Variants in SULT1C4 observed in about 807,000 individuals in gnomAD.
SULT1C4 encodes the protein sulfotransferase family 1C member 4.
In SULT1C4, 32 loss-of-function variants were observed where a neutral mutation model predicts 34.8. The observed-to-expected ratio is 0.92, with a 90% confidence interval of 0.69 to 1.23. The LOEUF (loss-of-function observed/expected upper bound fraction) is 1.23. Among genes scored for constraint, SULT1C4 ranks in the 50% most tolerant of loss-of-function variants. The pLI, the probability that SULT1C4 is intolerant of heterozygous loss-of-function variation, is 0.00. For missense variants in SULT1C4, 375 were observed against 365.9 expected, an observed-to-expected ratio of 1.02 and a Z score of -0.20; for synonymous variants, 111 against 120.5, an observed-to-expected ratio of 0.92 and a Z score of 0.51.
At chr2:108,379,090 T>A (rs1451195681) in intron 1 of SULT1C4, among the ~76,000 whole-genome samples, 1 of 152,150 alleles carries the variant, frequency 6.6e-6, no homozygotes, top group African/African-American at 2.4e-5. Flanking sequence ...GTCATAAAAA[T>A]TGGGTGATGA....
At chr2:108,381,991 A>C (rs1313800218) in intron 2 of SULT1C4, 104 bp downstream of exon 2, 1 of 1,281,806 alleles carries the variant, frequency 7.8e-7, no homozygotes, top group Non-Finnish European at 1.0e-6. Flanking sequence ...ATTATTGGTA[A>C]GTTTCATGGT....
rs1678572652 is a variant in SULT1C4 at position 108,386,456 on chromosome 2, A to G, written c.796+84A>G. 3.8e-6 allele frequency: 4 copies of G among 1,041,734 alleles called. No homozygotes were observed. The South Asian group carries it at 1.6e-4, about 40-fold the overall frequency. 64.5% of individuals were successfully genotyped at this position (1,041,734 alleles called of 1,614,324 possible). On this transcript the variant is annotated intron_variant, in intron 6 of 6. Transcript: ENST00000272452. ...TTGAGGAGTTTTCTTTCCTGTGTCT[A>G]GGAAAAATAATATCTGTAATAAATG...
intron 3 of SULT1C4, 98 bp downstream of exon 3, chr2:108,382,580 T>G: frequency 1.2e-6 from 1 of 829,306 alleles, no homozygotes; most frequent in Non-Finnish European, 2.0e-6. Flanking sequence ...TATATATATA[T>G]ACCTCTTCAC....
At chr2:108,385,080 G>T (rs547669314) in intron 5 of SULT1C4, among the ~76,000 whole-genome samples, 4 of 152,190 alleles carry the variant, frequency 2.6e-5, no homozygotes, top group African/African-American at 4.8e-5. Flanking sequence ...ATAGCTCTAG[G>T]ATTCTCAGAA....
intron 6 of SULT1C4, 58 bp from the exon 7 acceptor site, chr2:108,387,262 A>G (rs1678592038): frequency 7.9e-7 from 1 of 1,273,540 alleles, no homozygotes; most frequent in Non-Finnish European, 1.1e-6. Flanking sequence ...ACAGGAGAAT[A>G]GGGAAGCACA....
chr2:108,381,198 T>C (rs1048649716), intron 1 of SULT1C4, among the ~76,000 whole-genome samples: 7 of 152,174 alleles, frequency 4.6e-5, no homozygotes, highest in African/African-American at 1.7e-4. Flanking sequence ...TCCAAATTAA[T>C]AGTTGTGACA....
chr2:108,387,462 T>A lies in SULT1C4; in HGVS notation c.*30T>A. 1 of 1,444,310 alleles carries A rather than the reference T, an allele frequency of 6.9e-7. No individual in the cohort carries two copies. The highest frequency in any genetic ancestry group is 9.7e-7 in the Non-Finnish European group (1 of 1,032,582). The allele number at this position is 1,444,310 out of a possible 1,614,324, so 89.5% of individuals were successfully genotyped here. A position where few individuals can be genotyped will look rare whatever the true frequency, so the allele number is the denominator to read the frequency against. ...GAAGAAAAACTGAAAATGTTTTAGTTTATTACCCAGTATATTTGGGTAATA... is the reference window on the plus strand; with the variant it reads ...GAAGAAAAACTGAAAATGTTTTAGTATATTACCCAGTATATTTGGGTAATA... On this transcript the variant is annotated 3_prime_UTR_variant, in exon 7 of 7. Transcript: ENST00000272452.
intron 5 of SULT1C4, among the ~76,000 whole-genome samples, chr2:108,383,713 C>T (rs1678491563): frequency 6.6e-6 from 1 of 152,164 alleles, no homozygotes; most frequent in African/African-American, 2.4e-5. Flanking sequence ...TCCTGGTGCT[C>T]CCAGGGATGC....
intron 2 of SULT1C4, chr2:108,382,165 AT>A (rs1678420395): frequency 1.7e-6 from 1 of 573,374 alleles, no homozygotes; most frequent in Non-Finnish European, 3.0e-6. Context: ...AAGGGTTTGA[AT>A]TTTTTAGGTT....
chr2:108,381,623 C>T (rs1481302729), intron 1 of SULT1C4, 139 bp from the exon 2 acceptor site: 6 of 982,548 alleles, frequency 6.1e-6, no homozygotes, highest in African/African-American at 3.4e-5. Context: ...AGCCTTGATA[C>T]AGAGCAAGAC....
chr2:108,380,509 G>A (rs552632958), intron 1 of SULT1C4, among the ~76,000 whole-genome samples: 1 of 152,170 alleles, frequency 6.6e-6, no homozygotes, highest in Admixed American at 6.5e-5. Context: ...GCAAGACCCT[G>A]TCTCTGGAAA....
rs1678600145 is a variant in SULT1C4, at chr2:108,387,540, GT to G, written c.*111del. 6.6e-6 allele frequency: 5 copies of G among 760,096 alleles called. No individual in the cohort carries two copies. The highest frequency in any genetic ancestry group is 1.1e-5 in the Non-Finnish European group (5 of 472,826). The allele number at this position is 760,096 out of a possible 1,614,324, so 47.1% of individuals were successfully genotyped here. On this transcript the variant is annotated 3_prime_UTR_variant, in exon 7 of 7. Transcript: ENST00000272452. ...ATATCAGATTCCAGTTATCAGAATA[GT>G]TTACTGTGTTTGCTCTTATTCACTC...
rs1279059898 is a variant in SULT1C4 at position 108,387,454 on chromosome 2, G to A, written c.*22G>A. On this transcript the variant is annotated 3_prime_UTR_variant, in exon 7 of 7. Coordinates refer to ENST00000272452, the MANE Select transcript of SULT1C4 (RefSeq NM_006588.4). The stretch of plus-strand genomic sequence containing the variant: ...CTAGTAAGGAAGAAAAACTGAAAAT[G>A]TTTTAGTTTATTACCCAGTATATTT... 5 of 1,527,856 alleles carry A rather than the reference G, an allele frequency of 3.3e-6. No homozygotes were observed. The African/African-American group carries it at 5.5e-5, about 17-fold the overall frequency. 94.6% of individuals were successfully genotyped at this position (1,527,856 alleles called of 1,614,324 possible).
intron 2 of SULT1C4, 135 bp downstream of exon 2, chr2:108,382,022 T>C (rs1678414544): frequency 9.7e-7 from 1 of 1,027,884 alleles, no homozygotes; most frequent in African/African-American, 1.7e-5. Flanking sequence ...TTTAACTGTG[T>C]CTGGCCATTG....
chr2:108,386,414 C>T, intron 6 of SULT1C4, 42 bp downstream of exon 6: 1 of 1,325,552 alleles, frequency 7.5e-7, no homozygotes, highest in African/African-American at 1.5e-5. Context: ...AAAGAACTGT[C>T]AAATATTTTA....
In SULT1C4 at chr2:108,382,902, CAAAAAAAAAAAAAAA is replaced by C. The variant is rs60764322; in HGVS notation, c.394-176_394-162del. 2.3e-4 allele frequency: 19 copies of C among 81,254 alleles called. No homozygotes were observed. In the East Asian group the frequency reaches 9.0e-3, roughly 38 times the overall value. 5.0% of individuals were successfully genotyped at this position (81,254 alleles called of 1,614,324 possible). A position where few individuals can be genotyped will look rare whatever the true frequency, so the allele number is the denominator to read the frequency against. Reference sequence around the variant, plus strand: ...TGGGTGACAGAGCAAGACTCCATCTCAAAAAAAAAAAAAAAAAAAAAAAAAAAAAGTCTCCCATAA... The same window carrying C: ...TGGGTGACAGAGCAAGACTCCATCTCAAAAAAAAAAAAAAGTCTCCCATAA... On this transcript the variant is annotated intron_variant, in intron 3 of 6. Transcript: ENST00000272452.
At chr2:108,382,662 G>A (rs554626343) in intron 3 of SULT1C4, 180 bp downstream of exon 3, 2 of 575,368 alleles carry the variant, frequency 3.5e-6, no homozygotes, top group Admixed American at 3.1e-5. Flanking sequence ...ACAGCATTTT[G>A]GGAGACTGAG....
intron 5 of SULT1C4, among the ~76,000 whole-genome samples, chr2:108,385,749 C>A (rs41392145): frequency 0.074 from 11,225 of 151,986 alleles, 1,045 homozygotes; most frequent in African/African-American, 0.22. Flanking sequence ...AAAAAAAAAA[C>A]TTCTCTCCTC....
In SULT1C4 at chr2:108,387,528, G is replaced by C. The variant is rs995252970; in HGVS notation, c.*96G>C. 6 of 812,726 alleles carry C rather than the reference G, an allele frequency of 7.4e-6. No individual in the cohort carries two copies. The highest frequency in any genetic ancestry group is 2.7e-5 in the Admixed American group (1 of 37,068). The allele number at this position is 812,726 out of a possible 1,614,324, so 50.3% of individuals were successfully genotyped here. On this transcript the variant is annotated 3_prime_UTR_variant, in exon 7 of 7. Transcript: ENST00000272452. ...TCATAACAAATGATATCAGATTCCA[G>C]TTATCAGAATAGTTTACTGTGTTTG...
Sources: gnomAD v4.1 joint callset for allele counts (sites outside exome capture counted in the v4.1 genomes callset) on GRCh38, gnomAD v4.1.1 for gene constraint, MANE v1.5 for transcripts, NCBI Gene and HGNC (gene_info 2026-07-23, HGNC 2026-07-21) for gene names.